COL17A1: variants seen among roughly 807,000 people sequenced by gnomAD.
COL17A1 encodes the protein collagen alpha-1(XVII) chain.
A neutral mutation model predicts 218.4 loss-of-function variants in COL17A1; 181 were observed. That is an observed-to-expected ratio of 0.83 (90% CI 0.73 to 0.94). COL17A1 has a LOEUF of 0.94. Ranked by LOEUF, COL17A1 falls within the 40% of genes least tolerant of loss-of-function variation. The pLI, the probability that COL17A1 is intolerant of heterozygous loss-of-function variation, is 0.00. For missense variants in COL17A1, 1,924 were observed against 1,945.9 expected (o/e 0.99, Z 0.21); for synonymous variants, 721 against 731.0 (o/e 0.99, Z 0.22).
intron 7 of COL17A1, 77 bp from the exon 8 acceptor site, chr10:104,072,156 G>C (rs939462258): frequency 2.5e-6 from 4 of 1,597,870 alleles, no homozygotes; most frequent in Non-Finnish European, 3.4e-6. Context: ...ACTCCTAGCA[G>C]CAGATGGCCC....
chr10:104,075,506 C>G (rs2086701966), intron 5 of COL17A1, among the ~76,000 whole-genome samples: 1 of 152,192 alleles, frequency 6.6e-6, no homozygotes, highest in South Asian at 2.1e-4. Context: ...CCAACCTGGT[C>G]CCAGCCAAAA....
At chr10:104,074,443 C>G (rs1296485480) in intron 5 of COL17A1, among the ~76,000 whole-genome samples, 7 of 152,208 alleles carry the variant, frequency 4.6e-5, no homozygotes, top group Non-Finnish European at 1.0e-4. Context: ...GCACTTTGCT[C>G]TGGTCAAGGA....
intron 2 of COL17A1, among the ~76,000 whole-genome samples, chr10:104,079,771 CA>C (rs2086747779): frequency 6.6e-6 from 1 of 151,942 alleles, no homozygotes; most frequent in African/African-American, 2.4e-5. Flanking sequence ...ACTAAAAACA[CA>C]AAAAATTAGC....
Position 104,050,189 on chromosome 10 carries a change from G to A in COL17A1, c.2129-65C>T, listed in dbSNP as rs1209164538. 6.8e-6 allele frequency: 11 copies of A among 1,609,746 alleles called. No individual in the cohort carries two copies. In the East Asian group the frequency reaches 2.0e-4, roughly 29 times the overall value. ...TGAGCAAGGAAAACACTCTCACCCA[G>A]TAACAGGGTCCCCGGCTGCAGGGTA... On this transcript the variant is annotated intron_variant, in intron 27 of 55. Coordinates refer to ENST00000648076, the MANE Select transcript of COL17A1 (RefSeq NM_000494.4).
In COL17A1 at chr10:104,043,351, G is replaced by A. The variant is rs1443305020; in HGVS notation, c.2515+150C>T. On this transcript the variant is annotated intron_variant, in intron 35 of 55. Transcript: ENST00000648076. ...CTGATCTACCTCATTGTCTGAGAAT[G>A]CAAGAGTTTGCTTTTCTCAGGCCAA... is the stretch of plus-strand genomic sequence containing the variant. 7 of 743,268 alleles carry A rather than the reference G, an allele frequency of 9.4e-6. No homozygotes were observed. In the African/African-American group the frequency reaches 1.2e-4, roughly 13 times the overall value. The allele number at this position is 743,268 out of a possible 1,614,324, so 46.0% of individuals were successfully genotyped here.
At chr10:104,037,895 GC>G in intron 45 of COL17A1, 122 bp from the exon 46 acceptor site, 1 of 1,277,018 alleles carries the variant, frequency 7.8e-7, no homozygotes, top group Non-Finnish European at 1.1e-6. Flanking sequence ...CCAAGGCTGG[GC>G]CAGGAGGGAG....
At chr10:104,063,875 A>T in intron 10 of COL17A1, 57 bp from the exon 11 acceptor site, 1 of 1,609,080 alleles carries the variant, frequency 6.2e-7, no homozygotes, top group East Asian at 2.2e-5. Context: ...ATAGGGATAG[A>T]GATTTGGATA....
intron 32 of COL17A1, 90 bp from the exon 33 acceptor site, chr10:104,045,883 CA>C (rs1564675550): frequency 9.7e-7 from 1 of 1,031,072 alleles, no homozygotes; most frequent in Non-Finnish European, 1.5e-6. Context: ...TCACTCAGCA[CA>C]GCCACACTGC....
chr10:104,050,714 G>A, intron 26 of COL17A1, 58 bp from the exon 27 acceptor site: 2 of 1,614,082 alleles, frequency 1.2e-6, no homozygotes, highest in South Asian at 2.2e-5. Context: ...ACCAGGAAGG[G>A]GCAATGTCTG....
At position 104,051,513 on chromosome 10, in the gene COL17A1, G is replaced by A. The variant is rs1425049989; in HGVS notation, c.2006C>T (p.Ser669Phe). The A allele has an allele frequency of 2.5e-6, 4 of 1,613,946 alleles. No homozygotes were observed. Among genetic ancestry groups the A allele is most frequent in the Non-Finnish European group, 8.5e-7 (1 of 1,180,050 alleles). ...GCCCTGTGGGCCAGGAGAGCCGCTG[G>A]AACCTGAGAAGGAGGACAAGACAGC... ...GVPGSVGPKG[S>F]SGSPGPQGPP... The change falls in exon 25 of 56, where the codon TCC (serine) becomes TTC (phenylalanine). Residue 669 changes from serine to phenylalanine, a missense_variant. Coordinates refer to ENST00000648076, the MANE Select transcript of COL17A1 (RefSeq NM_000494.4).
At position 104,031,983 on chromosome 10, in the gene COL17A1, GAAGT is replaced by G. The variant is rs1267742168; in HGVS notation, c.*248_*251del. On this transcript the variant is annotated 3_prime_UTR_variant, in exon 56 of 56. Transcript: ENST00000648076. ...AAGGAGTTCAGATCTAGATAGCAGA[GAAGT>G]AAGTCTCATTCTAAAACATTGCAAC... The G allele has an allele frequency of 5.2e-6, 3 of 582,494 alleles. No individual in the cohort carries two copies. Among genetic ancestry groups the G allele is most frequent in the East Asian group, 5.7e-5 (2 of 34,784 alleles). 36.1% of individuals were successfully genotyped at this position (582,494 alleles called of 1,614,324 possible). A position where few individuals can be genotyped will look rare whatever the true frequency, so the allele number is the denominator to read the frequency against.
chr10:104,043,801 A>AG (rs781189664), intron 34 of COL17A1, 24 bp downstream of exon 34: 1 of 1,613,032 alleles, frequency 6.2e-7, no homozygotes, highest in Non-Finnish European at 8.5e-7. Flanking sequence ...CACAGAAAGG[A>AG]GGGTCCCTCT....
rs11191905 is a variant in COL17A1 at position 104,039,841 on chromosome 10, C to A, written c.2788+132G>T. 0.8 allele frequency: 1,084,167 copies of A among 1,352,380 alleles called. 439,908 individuals are homozygous for A. The highest frequency in any genetic ancestry group is 0.84 in the East Asian group (36,305 of 43,314). 83.8% of individuals were successfully genotyped at this position (1,352,380 alleles called of 1,614,324 possible). ...CACCCATGCACACACTCAACCATTC[C>A]TAGAGAAACACTGCTCTACTCTTGC... On this transcript the variant is annotated intron_variant, in intron 41 of 55. Coordinates refer to ENST00000648076, the MANE Select transcript of COL17A1 (RefSeq NM_000494.4).
intron 20 of COL17A1, among the ~76,000 whole-genome samples, chr10:104,054,770 C>T (rs1441909438): frequency 6.6e-6 from 1 of 152,150 alleles, no homozygotes; most frequent in African/African-American, 2.4e-5. Context: ...CACAGGGAAG[C>T]TCGCCAATCC....
chr10:104,083,681 A>G (rs189666880), intron 1 of COL17A1, among the ~76,000 whole-genome samples: 31 of 152,348 alleles, frequency 2.0e-4, no homozygotes, highest in African/African-American at 6.7e-4. Flanking sequence ...AGGACAAACC[A>G]CTGTTAGTGA....
At chr10:104,046,443 G>C (rs1391875511) in intron 32 of COL17A1, among the ~76,000 whole-genome samples, 1 of 152,180 alleles carries the variant, frequency 6.6e-6, no homozygotes, top group East Asian at 1.9e-4. Context: ...AGCTCTCCTG[G>C]CTAGTGGGAG....
At chr10:104,070,860 C>T (rs766706862) in intron 8 of COL17A1, among the ~76,000 whole-genome samples, 5 of 152,158 alleles carry the variant, frequency 3.3e-5, no homozygotes, top group Non-Finnish European at 7.3e-5. Context: ...AGGAATGATT[C>T]TGTGGCTGGA....
At chr10:104,045,600 A>G (rs2134594263) in intron 33 of COL17A1, among the ~76,000 whole-genome samples, 158 bp downstream of exon 33, 1 of 152,270 alleles carries the variant, frequency 6.6e-6, no homozygotes, top group Non-Finnish European at 1.5e-5. Context: ...CTTGGTTCAC[A>G]AATCCCTGGG....
chr10:104,068,843 C>T (rs2086647580), intron 9 of COL17A1, among the ~76,000 whole-genome samples: 1 of 152,030 alleles, frequency 6.6e-6, no homozygotes, highest in African/African-American at 2.4e-5. Context: ...TATTAAAACC[C>T]AAATTTTCTA....
Sources: gnomAD v4.1 joint callset for allele counts (sites outside exome capture counted in the v4.1 genomes callset) on GRCh38, gnomAD v4.1.1 for gene constraint, MANE v1.5 for transcripts, NCBI Gene and HGNC (gene_info 2026-07-23, HGNC 2026-07-21) for gene names.